ICA1: variants seen among roughly 807,000 people sequenced by gnomAD.
ICA1 encodes 69 kDa islet cell autoantigen.
A neutral mutation model predicts 71.0 loss-of-function variants in ICA1; 40 were observed. That is an observed-to-expected ratio of 0.56 (90% CI 0.44 to 0.73). The LOEUF is 0.73. ICA1 is among the 30% of genes least tolerant of loss of function. The pLI, the probability that ICA1 is intolerant of heterozygous loss-of-function variation, is 0.00. For synonymous variants in ICA1, 207 were observed against 209.5 expected, an observed-to-expected ratio of 0.99 and a Z score of 0.10; for missense variants, 578 against 576.5, an observed-to-expected ratio of 1.00 and a Z score of -0.03.
intron 12 of ICA1, among the ~76,000 whole-genome samples, chr7:8,136,975 A>T (rs929682589): frequency 6.6e-6 from 1 of 152,218 alleles, no homozygotes; most frequent in Non-Finnish European, 1.5e-5. Flanking sequence ...AATTCTGTGA[A>T]AAAATGCATG....
At chr7:8,139,723 C>T (rs1046783324) in intron 10 of ICA1, among the ~76,000 whole-genome samples, 1 of 152,130 alleles carries the variant, frequency 6.6e-6, no homozygotes, top group Non-Finnish European at 1.5e-5. Context: ...AATATACCAC[C>T]TGGTGTAGGA....
chr7:8,153,663 C>T (rs964159109), intron 8 of ICA1, among the ~76,000 whole-genome samples: 38 of 151,964 alleles, frequency 2.5e-4, no homozygotes, highest in African/African-American at 9.2e-4. Flanking sequence ...TTTTAAAATG[C>T]CATAAACTCT....
intron 6 of ICA1, among the ~76,000 whole-genome samples, chr7:8,169,946 C>T (rs1351174820): frequency 8.7e-6 from 1 of 114,840 alleles, no homozygotes. Flanking sequence ...CTGAACAAAC[C>T]TTCCCCTAAT....
intron 6 of ICA1, among the ~76,000 whole-genome samples, chr7:8,186,377 A>G (rs1285799139): frequency 6.6e-6 from 1 of 152,190 alleles, no homozygotes; most frequent in Admixed American, 6.5e-5. Context: ...TTGGGAATAC[A>G]GTATTGGACC....
intron 6 of ICA1, among the ~76,000 whole-genome samples, chr7:8,187,438 C>A (rs536421394): frequency 6.6e-6 from 1 of 152,232 alleles, no homozygotes; most frequent in East Asian, 1.9e-4. Flanking sequence ...ACAAATGGAG[C>A]TTGCAGGCCT....
At position 8,202,746 on chromosome 7, in the gene ICA1, T is replaced by C. The variant is rs138940458; in HGVS notation, c.579+15559A>G. Among the ~76,000 whole-genome samples the C allele has an allele frequency of 1.2e-3, 178 of 152,346 alleles. 1 individual carries two copies. Among genetic ancestry groups the C allele is most frequent in the South Asian group, 5.6e-3 (27 of 4,824 alleles). On this transcript the variant is annotated intron_variant, in intron 6 of 13. Coordinates refer to ENST00000402384, the MANE Select transcript of ICA1 (RefSeq NM_001136020.3). ...CCAGGAAGATATTTCTTAAGAATAA[T>C]GTTAGCTGTAACAAACTGCAGAGTA... is the stretch of plus-strand genomic sequence containing the variant.
At chr7:8,119,038 G>A (rs1041553091) in intron 13 of ICA1, among the ~76,000 whole-genome samples, 1 of 152,208 alleles carries the variant, frequency 6.6e-6, no homozygotes, top group African/African-American at 2.4e-5. Flanking sequence ...AGGCTGCCTA[G>A]GTCACCATTT....
At chr7:8,218,808 C>T in intron 5 of ICA1, 3 of 423,298 alleles carry the variant, frequency 7.1e-6, no homozygotes, top group South Asian at 6.4e-5. Flanking sequence ...AAGCTGGGGC[C>T]AATCCCGTGT....
At chr7:8,180,276 T>C (rs1781807975) in intron 6 of ICA1, among the ~76,000 whole-genome samples, 2 of 152,180 alleles carry the variant, frequency 1.3e-5, no homozygotes. Context: ...AATGAAGTCA[T>C]ATATATATTG....
chr7:8,200,817 T>C (rs180779075), intron 6 of ICA1, among the ~76,000 whole-genome samples: 18 of 152,362 alleles, frequency 1.2e-4, no homozygotes, highest in Non-Finnish European at 2.1e-4. Context: ...CCAAACAGGA[T>C]AGTTTCATAA....
At chr7:8,218,545 T>A (rs1240436696) in intron 5 of ICA1, 42 bp from the exon 6 acceptor site, 1 of 1,543,072 alleles carries the variant, frequency 6.5e-7, no homozygotes, top group African/African-American at 1.4e-5. Flanking sequence ...ACTAAGCCAG[T>A]GAGCAATTTA....
At chr7:8,261,217 G>A (rs1812214515) in intron 1 of ICA1, among the ~76,000 whole-genome samples, 1 of 152,142 alleles carries the variant, frequency 6.6e-6, no homozygotes, top group Non-Finnish European at 1.5e-5. Context: ...CAACCAGGCA[G>A]TTAATGCCCT....
chr7:8,118,340 A>T (rs1211491320), intron 13 of ICA1, among the ~76,000 whole-genome samples: 1 of 152,224 alleles, frequency 6.6e-6, no homozygotes, highest in African/African-American at 2.4e-5. Flanking sequence ...TACATAACAG[A>T]ATTCACAAAC....
chr7:8,167,711 C>T (rs12155232), intron 6 of ICA1, among the ~76,000 whole-genome samples: 19,604 of 152,102 alleles, frequency 0.13, 1,552 homozygotes, highest in East Asian at 0.29. Context: ...TGGGGGGTGG[C>T]AAGCCTTTTT....
intron 6 of ICA1, among the ~76,000 whole-genome samples, chr7:8,194,803 A>G (rs1383103376): frequency 6.6e-6 from 1 of 152,148 alleles, no homozygotes; most frequent in Non-Finnish European, 1.5e-5. Flanking sequence ...AATGCTTATG[A>G]TAAATGGAAG....
intron 6 of ICA1, among the ~76,000 whole-genome samples, chr7:8,171,648 T>C (rs1319325703): frequency 6.6e-6 from 1 of 151,898 alleles, no homozygotes; most frequent in Non-Finnish European, 1.5e-5. Context: ...TACTGTCTTC[T>C]GTGTACTTAG....
intron 1 of ICA1, among the ~76,000 whole-genome samples, chr7:8,244,311 G>A (rs1178879287): frequency 6.6e-6 from 1 of 152,164 alleles, no homozygotes. Flanking sequence ...ATGGGGAAAG[G>A]ATTCCCTATT....
rs1797090400 is a variant in ICA1, at chr7:8,146,759, G to GTT, written c.805-2788_805-2787insAA. On this transcript the variant is annotated intron_variant, in intron 8 of 13. Transcript: ENST00000402384. ...TGCGTGTGCGTGTGTGTGTGTGTGTGTGTGTTTAGTATATGTGCAGCCAGG... is the reference window on the plus strand; with the variant it reads ...TGCGTGTGCGTGTGTGTGTGTGTGTGTTTGTGTTTAGTATATGTGCAGCCAGG... Among the ~76,000 whole-genome samples the GTT allele has an allele frequency of 4.6e-5, 7 of 150,778 alleles. No individual in the cohort carries two copies. The South Asian group carries it at 1.5e-3, about 32-fold the overall frequency.
intron 3 of ICA1, among the ~76,000 whole-genome samples, chr7:8,230,598 A>G (rs934119461): frequency 1.3e-5 from 2 of 152,262 alleles, no homozygotes; most frequent in African/African-American, 4.8e-5. Flanking sequence ...CAGCCAAAAT[A>G]TAATGTTTAA....
Sources: allele counts gnomAD v4.1 joint callset (sites outside exome capture counted in the v4.1 genomes callset), GRCh38; gene constraint gnomAD v4.1.1; transcripts MANE v1.5; gene names NCBI Gene and HGNC (gene_info 2026-07-23, HGNC 2026-07-21).